Variants in SRP14 observed in about 807,000 individuals in gnomAD.
SRP14 encodes signal recognition particle 14, also known as signal recognition particle 14 kDa protein.
In SRP14, 1 loss-of-function variant was observed where a neutral mutation model predicts 16.0. The observed-to-expected ratio is 0.06, with a 90% confidence interval of 0.02 to 0.30. The LOEUF (loss-of-function observed/expected upper bound fraction) is 0.30, where lower values mean the gene tolerates loss of function less well. Among genes scored for constraint, SRP14 ranks in the 10% least tolerant of loss-of-function variants. The pLI, the probability that SRP14 is intolerant of heterozygous loss-of-function variation, is 1.00. For synonymous variants in SRP14, 67 were observed against 60.1 expected, an observed-to-expected ratio of 1.12 and a Z score of -0.53; for missense variants, 120 against 163.1, an observed-to-expected ratio of 0.74 and a Z score of 1.44.
intron 3 of SRP14, chr15:40,037,279 GAAAAA>G (rs3215044): frequency 1.3e-6 from 1 of 740,750 alleles, no homozygotes; most frequent in South Asian, 2.8e-5. Context: ...TCCTTTTGGG[GAAAAA>G]AAAAAAAAAA....
At position 40,038,266 on chromosome 15, in the gene SRP14, T is replaced by C; in HGVS notation, c.210+16A>G. 1 of 1,580,630 alleles carries C rather than the reference T, an allele frequency of 6.3e-7. No individual in the cohort carries two copies. The highest frequency in any genetic ancestry group is 8.7e-7 in the Non-Finnish European group (1 of 1,149,814). ...GTCTTTACATTTCAAAAGACAGCCT[T>C]AGAAATTAAGCTCACCACAGTGCTG... On this transcript the variant is annotated intron_variant, in intron 3 of 4. Coordinates refer to ENST00000267884, the MANE Select transcript of SRP14 (RefSeq NM_003134.6).
intron 3 of SRP14, among the ~76,000 whole-genome samples, 160 bp downstream of exon 3, chr15:40,038,122 T>C (rs1177412577): frequency 1.3e-5 from 2 of 152,230 alleles, no homozygotes; most frequent in Non-Finnish European, 2.9e-5. Context: ...TATTTTATTC[T>C]TGAGGTTTCC....
intron 2 of SRP14, 135 bp from the exon 3 acceptor site, chr15:40,038,529 C>G (rs1004189276): frequency 7.6e-6 from 5 of 655,666 alleles, no homozygotes; most frequent in Non-Finnish European, 1.4e-5. Flanking sequence ...AACACCTCAT[C>G]TGCTATCACG....
At chr15:40,038,755 T>A in intron 2 of SRP14, 121 bp downstream of exon 2, 2 of 1,064,384 alleles carry the variant, frequency 1.9e-6, no homozygotes, top group Non-Finnish European at 2.8e-6. Flanking sequence ...AAGCCCCGAA[T>A]GTGCTCAGTA....
At chr15:40,037,770 C>T (rs968877144) in intron 3 of SRP14, among the ~76,000 whole-genome samples, 3 of 152,208 alleles carry the variant, frequency 2.0e-5, no homozygotes, top group African/African-American at 7.2e-5. Context: ...GTGATTTCTG[C>T]CACAGCAGAA....
In SRP14 at chr15:40,037,162, C is replaced by T. The variant is rs552844089; in HGVS notation, c.211-144G>A. Reference sequence around the variant, plus strand: ...CCCCAACTTCAGGGTTCATAATACACGAATGGTTATTTTTCTACTCTACTT... The same window carrying T: ...CCCCAACTTCAGGGTTCATAATACATGAATGGTTATTTTTCTACTCTACTT... On this transcript the variant is annotated intron_variant, in intron 3 of 4. Transcript: ENST00000267884. 6.7e-5 allele frequency: 83 copies of T among 1,243,464 alleles called. No homozygotes were observed. In the East Asian group the frequency reaches 1.3e-3, roughly 20 times the overall value. 77.0% of individuals were successfully genotyped at this position (1,243,464 alleles called of 1,614,324 possible). A position where few individuals can be genotyped will look rare whatever the true frequency, so the allele number is the denominator to read the frequency against.
chr15:40,038,672 T>C (rs1417359042), intron 2 of SRP14: 4 of 630,844 alleles, frequency 6.3e-6, no homozygotes, highest in Non-Finnish European at 8.2e-6. Flanking sequence ...GGGCCCATTG[T>C]TACCAGAAGC....
At position 40,039,158 on chromosome 15, in the gene SRP14, C is replaced by G. The variant is rs753935966; in HGVS notation, c.-42G>C. Reference sequence around the variant, plus strand: ...CGACTCCCTCCGCTTAAGCCCCTAGCAGTGAGAGCCGGAAGTTCGGCCTAG... The same window carrying G: ...CGACTCCCTCCGCTTAAGCCCCTAGGAGTGAGAGCCGGAAGTTCGGCCTAG... On this transcript the variant is annotated 5_prime_UTR_variant, in exon 1 of 5. Coordinates refer to ENST00000267884, the MANE Select transcript of SRP14 (RefSeq NM_003134.6). 3.1e-6 allele frequency: 5 copies of G among 1,597,422 alleles called. No homozygotes were observed. Among genetic ancestry groups the G allele is most frequent in the Middle Eastern group, 3.3e-4 (2 of 6,004 alleles).
chr15:40,037,292 A>AAAAAAAAAAAAAAAAAAAAAT, intron 3 of SRP14: 1 of 1,359,522 alleles, frequency 7.4e-7, no homozygotes, highest in Non-Finnish European at 9.5e-7. Context: ...AAAAAAAAAA[A>AAAAAAAAAAAAAAAAAAAAAT]AAGCTTTGTT....
chr15:40,036,029 A>G lies in SRP14; in HGVS notation c.*304T>C, dbSNP rs893881884. ...ATTAAAATGGGTTGGGAAAGGAATA[A>G]AGAGACAGTGCTGATAAACAGACAT... On this transcript the variant is annotated 3_prime_UTR_variant, in exon 5 of 5. Transcript: ENST00000267884. 9 of 390,464 alleles carry G rather than the reference A, an allele frequency of 2.3e-5. No individual in the cohort carries two copies. The highest frequency in any genetic ancestry group is 1.6e-4 in the African/African-American group (8 of 49,326). The allele number at this position is 390,464 out of a possible 1,614,324, so 24.2% of individuals were successfully genotyped here.
intron 3 of SRP14, chr15:40,037,307 A>T: frequency 8.1e-7 from 1 of 1,230,368 alleles, no homozygotes; most frequent in Non-Finnish European, 1.0e-6. Context: ...TTTGTTTCTC[A>T]CCTCTTGAAA....
At chr15:40,037,319 C>T in intron 3 of SRP14, 2 of 1,130,474 alleles carry the variant, frequency 1.8e-6, no homozygotes, top group Non-Finnish European at 2.3e-6. Context: ...CTCTTGAAAT[C>T]CCTTAGAAAG....
Position 40,039,125 on chromosome 15 carries a change from C to A in SRP14, c.-9G>T. 1 of 1,610,282 alleles carries A rather than the reference C, an allele frequency of 6.2e-7. No individual in the cohort carries two copies. Among genetic ancestry groups the A allele is most frequent in the South Asian group, 1.1e-5 (1 of 90,430 alleles). ...CTCTCCAACAACACCATCGCGGCGA[C>A]GCTGGCTCGACTCCCTCCGCTTAAG... On this transcript the variant is annotated 5_prime_UTR_variant, in exon 1 of 5. Coordinates refer to ENST00000267884, the MANE Select transcript of SRP14 (RefSeq NM_003134.6).
intron 2 of SRP14, 82 bp from the exon 3 acceptor site, chr15:40,038,476 G>T (rs1595446126): frequency 2.1e-6 from 2 of 970,066 alleles, no homozygotes; most frequent in South Asian, 1.3e-5. Flanking sequence ...GAGGAGTGGG[G>T]TAAGTGATGA....
chr15:40,038,199 A>G, intron 3 of SRP14, 83 bp downstream of exon 3: 2 of 1,143,276 alleles, frequency 1.7e-6, no homozygotes, highest in African/African-American at 3.1e-5. Flanking sequence ...AAAAACAAAT[A>G]AAAGCCTGGT....
At chr15:40,037,214 A>G in intron 3 of SRP14, 196 bp from the exon 4 acceptor site, 1 of 1,208,220 alleles carries the variant, frequency 8.3e-7, no homozygotes, top group Non-Finnish European at 1.1e-6. Flanking sequence ...CAAGAAAAGG[A>G]GCTCTGCATC....
chr15:40,037,065 AT>A (rs1160389743), intron 3 of SRP14, 47 bp from the exon 4 acceptor site: 10 of 1,597,412 alleles, frequency 6.3e-6, no homozygotes, highest in Non-Finnish European at 8.5e-6. Context: ...CCATATAAGC[AT>A]CCTCTTCTCC....
intron 3 of SRP14, chr15:40,037,442 T>A: frequency 1.1e-6 from 1 of 908,714 alleles, no homozygotes; most frequent in South Asian, 1.8e-5. Flanking sequence ...CATCTTATTT[T>A]TAAACCTGCC....
intron 4 of SRP14, 108 bp from the exon 5 acceptor site, chr15:40,036,608 T>C (rs114318290): frequency 8.2e-6 from 9 of 1,091,416 alleles, no homozygotes; most frequent in African/African-American, 7.7e-5. Flanking sequence ...GGAAAGAATA[T>C]AGCACCATTG....
Sources: gnomAD v4.1 joint callset for allele counts (sites outside exome capture counted in the v4.1 genomes callset) on GRCh38, gnomAD v4.1.1 for gene constraint, MANE v1.5 for transcripts, NCBI Gene and HGNC (gene_info 2026-07-23, HGNC 2026-07-21) for gene names.